PLCG2: variants seen among roughly 807,000 people sequenced by gnomAD.
The protein encoded by PLCG2 is phospholipase C gamma 2, also known as 1-phosphatidylinositol 4,5-bisphosphate phosphodiesterase gamma-2.
Under a neutral mutation model 175.6 loss-of-function variants are expected in PLCG2, and 69 were observed. The ratio of observed to expected loss-of-function variants is 0.39; its 90% CI spans 0.32 to 0.48. The LOEUF is 0.48. Among genes scored for constraint, PLCG2 ranks in the 20% least tolerant of loss-of-function variants. The probability of loss-of-function intolerance (pLI) is 0.91; values close to 1 mark genes in which losing one functional copy is unlikely to be tolerated. For synonymous variants in PLCG2, 827 were observed against 624.0 expected (o/e 1.33, Z -4.85); for missense variants, 1,798 against 1,650.9 (o/e 1.09, Z -1.54).
chr16:81,896,565 G>A (rs903815739), intron 13 of PLCG2, among the ~76,000 whole-genome samples: 2 of 151,924 alleles, frequency 1.3e-5, no homozygotes, highest in Non-Finnish European at 1.5e-5. Flanking sequence ...GCAACAGAGC[G>A]AGACCCTGTC....
chr16:81,939,427 G>T (rs1307098595), intron 29 of PLCG2, among the ~76,000 whole-genome samples: 1 of 152,198 alleles, frequency 6.6e-6, no homozygotes, highest in Non-Finnish European at 1.5e-5. Flanking sequence ...GTAGCCCAAT[G>T]AACAACTCAG....
Position 81,960,344 on chromosome 16 carries a change from G to T in PLCG2, c.*2346G>T. ...TGACTGTTAAAGCACAGCCAATCCA[G>T]GCCAAGAAGACTAGTAACAGGCACA... On this transcript the variant is annotated 3_prime_UTR_variant, in exon 33 of 33. Transcript: ENST00000564138. The T allele has an allele frequency of 4.6e-6, 1 of 219,650 alleles. No homozygotes were observed. The highest frequency in any genetic ancestry group is 9.1e-6 in the Non-Finnish European group (1 of 109,708). 13.6% of individuals were successfully genotyped at this position (219,650 alleles called of 1,614,324 possible).
chr16:81,748,165 G>A (rs559117020), intron 1 of PLCG2, among the ~76,000 whole-genome samples: 2 of 152,194 alleles, frequency 1.3e-5, no homozygotes, highest in East Asian at 1.9e-4. Context: ...CTGCGCCACC[G>A]CACCCGGCCA....
intron 15 of PLCG2, among the ~76,000 whole-genome samples, chr16:81,906,779 C>A (rs571240536): frequency 5.3e-5 from 8 of 152,180 alleles, no homozygotes; most frequent in Non-Finnish European, 1.0e-4. Context: ...ATGGCTCATG[C>A]CTATAATCCT....
chr16:81,747,827 G>A (rs1210677357), intron 1 of PLCG2, among the ~76,000 whole-genome samples: 1 of 152,124 alleles, frequency 6.6e-6, no homozygotes, highest in Admixed American at 6.6e-5. Context: ...ATATGGACTG[G>A]CGGACTGTTT....
chr16:81,753,332 G>A (rs186362659), intron 1 of PLCG2, among the ~76,000 whole-genome samples: 13 of 136,270 alleles, frequency 9.5e-5, no homozygotes, highest in Non-Finnish European at 1.9e-4. Context: ...TTGTGTTAAA[G>A]TCCTGGCAGG....
intron 30 of PLCG2, among the ~76,000 whole-genome samples, chr16:81,941,068 C>G (rs1391823211): frequency 1.3e-5 from 2 of 152,176 alleles, no homozygotes; most frequent in Non-Finnish European, 2.9e-5. Flanking sequence ...AAAATACAGT[C>G]TTTTGATATT....
At chr16:81,749,718 G>C (rs1218485048) in intron 1 of PLCG2, among the ~76,000 whole-genome samples, 3 of 152,222 alleles carry the variant, frequency 2.0e-5, no homozygotes, top group Non-Finnish European at 4.4e-5. Flanking sequence ...TATTTGGAGG[G>C]CAATTTGGTG....
chr16:81,745,886 A>G (rs78900607), intron 1 of PLCG2, among the ~76,000 whole-genome samples: 156 of 152,288 alleles, frequency 1.0e-3, no homozygotes, highest in Middle Eastern at 0.01. Context: ...GCCAGACGTT[A>G]TTCCTGAGCC....
intron 2 of PLCG2, chr16:81,766,980 T>C (rs1910164297): frequency 6.6e-6 from 1 of 152,096 alleles, no homozygotes; most frequent in African/African-American, 2.4e-5. Context: ...GAAGTCCAAA[T>C]GCCTTAACAA....
intron 14 of PLCG2, among the ~76,000 whole-genome samples, chr16:81,901,431 C>T (rs1479239919): frequency 2.0e-5 from 3 of 152,200 alleles, no homozygotes; most frequent in African/African-American, 7.2e-5. Context: ...GGAGAATGTT[C>T]TGTGAGTTTT....
At chr16:81,817,967 C>G (rs1281660498) in intron 2 of PLCG2, among the ~76,000 whole-genome samples, 1 of 152,196 alleles carries the variant, frequency 6.6e-6, no homozygotes, top group Non-Finnish European at 1.5e-5. Context: ...AAGGAGAAGA[C>G]AGATTCTGGG....
chr16:81,822,084 T>C (rs988896667), intron 2 of PLCG2, among the ~76,000 whole-genome samples: 5 of 151,968 alleles, frequency 3.3e-5, no homozygotes, highest in Admixed American at 1.3e-4. Flanking sequence ...AAATAGGGAG[T>C]GTCTTTTTTT....
intron 30 of PLCG2, among the ~76,000 whole-genome samples, chr16:81,940,952 T>C (rs1313962426): frequency 2.6e-5 from 4 of 152,242 alleles, no homozygotes; most frequent in African/African-American, 7.2e-5. Flanking sequence ...GCATGAGATA[T>C]GAGATCATAG....
Position 81,905,504 on chromosome 16 carries a change from C to T in PLCG2, c.1464C>T (p.Asp488=), listed in dbSNP as rs777149251. 2.2e-5 allele frequency: 36 copies of T among 1,611,922 alleles called. No individual in the cohort carries two copies. In the Admixed American group the frequency reaches 4.0e-4, roughly 18 times the overall value. The change falls in exon 15 of 33, where the codon GAC becomes GAT. Residue 488 remains aspartate, a synonymous_variant. Transcript: ENST00000564138. ...QGELYMWDSI[D]QKWTRHYCAI... is the part of the protein sequence containing the mutation. ...AGCTGTACATGTGGGATTCCATTGA[C>T]CAGGTGGGCCTTGGTCCCTTCCCGT...
intron 2 of PLCG2, among the ~76,000 whole-genome samples, chr16:81,807,988 C>T (rs1904289562): frequency 1.3e-5 from 2 of 152,258 alleles, no homozygotes; most frequent in African/African-American, 4.8e-5. Flanking sequence ...CACCAGACCC[C>T]ACCTCCAGTA....
chr16:81,795,205 A>G (rs945849788), intron 2 of PLCG2, among the ~76,000 whole-genome samples: 38 of 152,210 alleles, frequency 2.5e-4, no homozygotes, highest in African/African-American at 5.8e-4. Flanking sequence ...AACACATTCA[A>G]TCATGTTGGA....
chr16:81,770,189 C>T (rs998719657), intron 2 of PLCG2, among the ~76,000 whole-genome samples: 1 of 152,144 alleles, frequency 6.6e-6, no homozygotes, highest in Non-Finnish European at 1.5e-5. Context: ...AACACACCCA[C>T]GCCCACATCA....
chr16:81,890,791 A>G (rs1321433114), intron 10 of PLCG2, among the ~76,000 whole-genome samples: 1 of 152,136 alleles, frequency 6.6e-6, no homozygotes, highest in African/African-American at 2.4e-5. Context: ...CCCTTTCAAC[A>G]TTCTGATATG....
Sources: allele counts gnomAD v4.1 joint callset (sites outside exome capture counted in the v4.1 genomes callset), GRCh38; gene constraint gnomAD v4.1.1; transcripts MANE v1.5; gene names NCBI Gene and HGNC (gene_info 2026-07-23, HGNC 2026-07-21).